Variants in NDE1 observed in about 807,000 individuals in gnomAD.
NDE1 encodes the protein nudE neurodevelopment protein 1.
NDE1 carries 28 observed loss-of-function variants against 43.4 expected under a neutral mutation model. The observed-to-expected ratio is 0.65, with a 90% CI of 0.48 to 0.89. The LOEUF is 0.89. Ranked by LOEUF, NDE1 falls within the 40% of genes least tolerant of loss-of-function variation. The pLI, the probability that NDE1 is intolerant of heterozygous loss-of-function variation, is 0.00. For missense variants in NDE1, 441 were observed against 434.1 expected (o/e 1.02, Z -0.14); for synonymous variants, 184 against 172.0 (o/e 1.07, Z -0.55).
chr16:15,668,440 T>C (rs1483991223), intron 3 of NDE1, among the ~76,000 whole-genome samples: 1 of 152,174 alleles, frequency 6.6e-6, no homozygotes, highest in Non-Finnish European at 1.5e-5. Flanking sequence ...AGTTTTTGTA[T>C]TTTTTATAGA....
At chr16:15,702,961 T>C (rs1289538406) in intron 8 of NDE1, among the ~76,000 whole-genome samples, 2 of 152,070 alleles carry the variant, frequency 1.3e-5, no homozygotes, top group South Asian at 4.1e-4. Context: ...TCTGCTCTGC[T>C]CTCTGGCTGG....
chr16:15,674,353 C>T (rs1362020200), intron 3 of NDE1, among the ~76,000 whole-genome samples: 1 of 152,154 alleles, frequency 6.6e-6, no homozygotes, highest in Non-Finnish European at 1.5e-5. Context: ...AAGCGATTCT[C>T]CTGCCTCAGC....
In NDE1 at chr16:15,694,910, A is replaced by T. The variant is rs374398960; in HGVS notation, c.795+654A>T. On this transcript the variant is annotated intron_variant, in intron 7 of 8. Transcript: ENST00000396354. ...CCTTCTCTTTTGGCCGGGTGCTCATACCTGTAATCCCAGTGCTTTGGGAGG... is the reference window on the plus strand; with the variant it reads ...CCTTCTCTTTTGGCCGGGTGCTCATTCCTGTAATCCCAGTGCTTTGGGAGG... 1.0e-5 allele frequency: 10 copies of T among 985,112 alleles called. No individual in the cohort carries two copies. In the East Asian group the frequency reaches 3.4e-4, roughly 34 times the overall value. The allele number at this position is 985,112 out of a possible 1,614,324, so 61.0% of individuals were successfully genotyped here.
intron 6 of NDE1, among the ~76,000 whole-genome samples, chr16:15,691,642 G>T (rs1458104593): frequency 1.1e-5 from 1 of 91,290 alleles, no homozygotes; most frequent in African/African-American, 5.4e-5. Context: ...CTTTTTTTTT[G>T]TTGGGTTTTT....
intron 8 of NDE1, chr16:15,718,059 G>T: frequency 3.5e-6 from 2 of 575,086 alleles, no homozygotes; most frequent in Admixed American, 6.1e-5. Context: ...CTCCAGGGAT[G>T]GCCGTGAGGT....
chr16:15,666,381 A>G (rs767608689), intron 2 of NDE1, among the ~76,000 whole-genome samples: 1 of 151,918 alleles, frequency 6.6e-6, no homozygotes. Context: ...CACTTTGGGT[A>G]GGCAGATCAC....
rs1338847938 is a variant in NDE1 at position 15,697,653 on chromosome 16, C to T, written c.947+793C>T. Among the ~76,000 whole-genome samples, 9 of 152,106 alleles carry T rather than the reference C, an allele frequency of 5.9e-5. 1 individual carries two copies. The highest frequency in any genetic ancestry group is 5.9e-4 in the Admixed American group (9 of 15,272). On this transcript the variant is annotated intron_variant, in intron 8 of 8. Coordinates refer to ENST00000396354, the MANE Select transcript of NDE1 (RefSeq NM_017668.3). ...ACTTGAACCCTGGAGGCAGAGATTG[C>T]AGTGAGCCAAAATTGTGCCTCTGCA...
At chr16:15,679,694 A>G (rs2038074538) in intron 4 of NDE1, among the ~76,000 whole-genome samples, 1 of 152,088 alleles carries the variant, frequency 6.6e-6, no homozygotes, top group African/African-American at 2.4e-5. Flanking sequence ...TTTATACTCC[A>G]CGCATTCAAT....
At chr16:15,705,412 G>C (rs2039393578) in intron 8 of NDE1, among the ~76,000 whole-genome samples, 1 of 152,218 alleles carries the variant, frequency 6.6e-6, no homozygotes, top group Non-Finnish European at 1.5e-5. Flanking sequence ...CACGTGAGGG[G>C]AGACTTTGGG....
At chr16:15,672,724 G>A (rs1462678880) in intron 3 of NDE1, 3 of 152,162 alleles carry the variant, frequency 2.0e-5, no homozygotes, top group South Asian at 2.1e-4. Context: ...CAGTGCAGTC[G>A]GTGGAGCCCA....
intron 8 of NDE1, chr16:15,701,409 C>G (rs1234657219): frequency 6.6e-6 from 1 of 152,142 alleles, no homozygotes; most frequent in Non-Finnish European, 1.5e-5. Flanking sequence ...TTTCCTGAGT[C>G]CCCTGGTGGG....
chr16:15,699,765 A>C (rs2039163655), intron 8 of NDE1: 2 of 1,351,652 alleles, frequency 1.5e-6, no homozygotes, highest in Non-Finnish European at 2.0e-6. Flanking sequence ...AGCCGCCTTC[A>C]CACATGTCTT....
chr16:15,680,298 G>A (rs1247498346), intron 4 of NDE1, among the ~76,000 whole-genome samples: 2 of 152,164 alleles, frequency 1.3e-5, no homozygotes, highest in Non-Finnish European at 2.9e-5. Context: ...GAATGTGGGG[G>A]GGCCCACGGT....
At chr16:15,715,382 A>G (rs2040069979) in intron 8 of NDE1, 2 of 939,898 alleles carry the variant, frequency 2.1e-6, no homozygotes, top group South Asian at 2.6e-5. Context: ...CCGTATCTGG[A>G]CTCCTCTCAA....
intron 8 of NDE1, among the ~76,000 whole-genome samples, chr16:15,704,730 C>T (rs916413096): frequency 3.9e-5 from 6 of 152,194 alleles, no homozygotes; most frequent in African/African-American, 1.4e-4. Context: ...CTGAGTTTTC[C>T]CCACTGCAGG....
rs574348179 is a variant in NDE1 at position 15,703,835 on chromosome 16, G to A, written c.947+6975G>A. 7.1e-6 allele frequency: 7 copies of A among 979,990 alleles called. No individual in the cohort carries two copies. The East Asian group carries it at 1.2e-4, about 17-fold the overall frequency. 60.7% of individuals were successfully genotyped at this position (979,990 alleles called of 1,614,324 possible). A position where few individuals can be genotyped will look rare whatever the true frequency, so the allele number is the denominator to read the frequency against. The stretch of plus-strand genomic sequence containing the variant: ...GTGGTTTTTATATTCCTTGTGTGAG[G>A]GGTGTCTGTGATATTTGGAATTTGA... On this transcript the variant is annotated intron_variant, in intron 8 of 8. Coordinates refer to ENST00000396354, the MANE Select transcript of NDE1 (RefSeq NM_017668.3).
chr16:15,658,523 T>C (rs2036884920), intron 1 of NDE1, among the ~76,000 whole-genome samples: 1 of 152,224 alleles, frequency 6.6e-6, no homozygotes, highest in African/African-American at 2.4e-5. Flanking sequence ...GTCAGATCCC[T>C]CTGAACTCAT....
chr16:15,720,897 C>T lies in NDE1; in HGVS notation c.948-3294C>T, dbSNP rs754206363. Reference sequence around the variant, plus strand: ...CTGCTCGTCCCGGGCTTGGAGATCCCTTTCGAACTGGCCCTTGAGCGCCTG... The same window carrying T: ...CTGCTCGTCCCGGGCTTGGAGATCCTTTTCGAACTGGCCCTTGAGCGCCTG... On this transcript the variant is annotated intron_variant, in intron 8 of 8. Coordinates refer to ENST00000396354, the MANE Select transcript of NDE1 (RefSeq NM_017668.3). 2 of 1,614,036 alleles carry T rather than the reference C, an allele frequency of 1.2e-6. No individual in the cohort carries two copies. The highest frequency in any genetic ancestry group is 1.1e-5 in the South Asian group (1 of 91,072).
chr16:15,681,566 C>T lies in NDE1; in HGVS notation c.386+3617C>T, dbSNP rs189263078. Among the ~76,000 whole-genome samples the T allele has an allele frequency of 1.1e-3, 163 of 152,096 alleles. 1 individual carries two copies. Among genetic ancestry groups the T allele is most frequent in the Non-Finnish European group, 2.0e-3 (136 of 68,006 alleles). ...ATGAGCCACCATACCCGGCCTTTGG[C>T]ATATTTTAAAATTGGGTTGTTCGTT... On this transcript the variant is annotated intron_variant, in intron 4 of 8. Coordinates refer to ENST00000396354, the MANE Select transcript of NDE1 (RefSeq NM_017668.3).
Sources: gnomAD v4.1 joint callset for allele counts (sites outside exome capture counted in the v4.1 genomes callset) on GRCh38, gnomAD v4.1.1 for gene constraint, MANE v1.5 for transcripts, NCBI Gene and HGNC (gene_info 2026-07-23, HGNC 2026-07-21) for gene names.